Variants in BMPER observed in about 807,000 individuals in gnomAD.
BMPER encodes BMP-binding endothelial regulator protein.
A neutral mutation model predicts 87.3 loss-of-function variants in BMPER; 45 were observed. The observed-to-expected ratio is 0.52, with a 90% CI of 0.41 to 0.66. BMPER has a LOEUF of 0.66. Ranked by LOEUF, BMPER falls within the 30% of genes least tolerant of loss-of-function variation. BMPER has a pLI of 0.00. For synonymous variants in BMPER, 326 were observed against 316.2 expected, an observed-to-expected ratio of 1.03 and a Z score of -0.33; for missense variants, 784 against 867.5, an observed-to-expected ratio of 0.90 and a Z score of 1.21.
rs1784159051 is a variant in BMPER at position 33,919,226 on chromosome 7, A to T, written c.219+12323A>T. Among the ~76,000 whole-genome samples, 3 of 152,304 alleles carry T rather than the reference A, an allele frequency of 2.0e-5. No homozygotes were observed. The South Asian group carries it at 6.2e-4, about 32-fold the overall frequency. On this transcript the variant is annotated intron_variant, in intron 2 of 14. Transcript: ENST00000649409. ...TTATGAAATTTTTGATAGTTGTCTG[A>T]TGTTGACCTATAGGAGCAGCAGTTT...
chr7:34,035,222 C>G (rs924321345), intron 6 of BMPER, among the ~76,000 whole-genome samples: 1 of 152,170 alleles, frequency 6.6e-6, no homozygotes, highest in African/African-American at 2.4e-5. Flanking sequence ...TACTATAGAA[C>G]TTCATGACAT....
intron 13 of BMPER, among the ~76,000 whole-genome samples, chr7:34,138,131 A>T (rs1186146477): frequency 6.6e-6 from 1 of 152,236 alleles, no homozygotes; most frequent in Non-Finnish European, 1.5e-5. Flanking sequence ...AATTTTATTT[A>T]ATGGTAATTA....
chr7:34,005,814 T>G (rs1226075506), intron 6 of BMPER, among the ~76,000 whole-genome samples: 1 of 152,132 alleles, frequency 6.6e-6, no homozygotes, highest in Non-Finnish European at 1.5e-5. Flanking sequence ...TCCTTCAAAA[T>G]CACTTTATAT....
At chr7:33,924,728 C>T (rs559886230) in intron 2 of BMPER, among the ~76,000 whole-genome samples, 18 of 152,232 alleles carry the variant, frequency 1.2e-4, no homozygotes, top group African/African-American at 3.6e-4. Context: ...AGTGCAATGG[C>T]GCAATCTTGG....
chr7:34,089,555 C>T (rs1371185987), intron 13 of BMPER, among the ~76,000 whole-genome samples: 1 of 152,158 alleles, frequency 6.6e-6, no homozygotes, highest in East Asian at 1.9e-4. Flanking sequence ...GCAATCTCGG[C>T]TCACTGCAAC....
chr7:34,144,813 A>C (rs1412696255), intron 14 of BMPER, among the ~76,000 whole-genome samples: 1 of 152,226 alleles, frequency 6.6e-6, no homozygotes, highest in East Asian at 1.9e-4. Context: ...CCTGAAATAA[A>C]GAGACTGGGA....
intron 2 of BMPER, among the ~76,000 whole-genome samples, chr7:33,933,441 GT>G (rs3083764): frequency 0.038 from 4,942 of 128,386 alleles, 112 homozygotes; most frequent in East Asian, 0.12. Context: ...CATTGGTTAG[GT>G]TTTTTTTTTT....
At chr7:34,095,762 C>T (rs1789513447) in intron 13 of BMPER, among the ~76,000 whole-genome samples, 1 of 151,886 alleles carries the variant, frequency 6.6e-6, no homozygotes, top group African/African-American at 2.4e-5. Context: ...TAGTTAACCT[C>T]AAGCCTGGTT....
intron 14 of BMPER, among the ~76,000 whole-genome samples, chr7:34,147,309 A>T (rs575252391): frequency 4.6e-5 from 7 of 152,294 alleles, no homozygotes; most frequent in African/African-American, 1.7e-4. Context: ...CCATAGGGGG[A>T]TGTGGAGATG....
chr7:34,008,364 A>G (rs1562686234), intron 6 of BMPER, among the ~76,000 whole-genome samples: 1 of 151,918 alleles, frequency 6.6e-6, no homozygotes, highest in Non-Finnish European at 1.5e-5. Flanking sequence ...AGATATTTTA[A>G]TTTTAAGTTG....
At chr7:34,153,056 C>T (rs1170770092) in intron 14 of BMPER, 36 bp from the exon 15 acceptor site, 1 of 1,612,702 alleles carries the variant, frequency 6.2e-7, no homozygotes, top group Admixed American at 1.7e-5. Flanking sequence ...TGGGGCCTTT[C>T]TCCATGTTAT....
At chr7:33,942,191 A>T (rs1166323826) in intron 3 of BMPER, among the ~76,000 whole-genome samples, 2 of 152,076 alleles carry the variant, frequency 1.3e-5, no homozygotes, top group Non-Finnish European at 2.9e-5. Context: ...AATGTGTATA[A>T]ACGGTGTTTC....
intron 6 of BMPER, among the ~76,000 whole-genome samples, chr7:34,031,919 TATATATATACACACACACACACAC>T (rs1787529886): frequency 3.3e-5 from 4 of 119,626 alleles, no homozygotes; most frequent in Admixed American, 3.3e-4. Context: ...TATATATATA[TATATATATACACACACACACACAC>T]ATATATATAC....
At chr7:34,138,932 C>T (rs1405090918) in intron 13 of BMPER, among the ~76,000 whole-genome samples, 1 of 152,128 alleles carries the variant, frequency 6.6e-6, no homozygotes, top group African/African-American at 2.4e-5. Context: ...GCTACTTATT[C>T]TGTAAAATGA....
At chr7:34,045,633 T>G (rs970045551) in intron 6 of BMPER, among the ~76,000 whole-genome samples, 14 of 152,218 alleles carry the variant, frequency 9.2e-5, no homozygotes, top group Non-Finnish European at 1.5e-5. Flanking sequence ...AATTAATTAG[T>G]GAAAACAGAT....
chr7:34,141,180 C>A (rs1343440376), intron 13 of BMPER, among the ~76,000 whole-genome samples: 1 of 152,280 alleles, frequency 6.6e-6, no homozygotes, highest in South Asian at 2.1e-4. Flanking sequence ...ATTTTAAGGA[C>A]AAGCTTTATT....
At chr7:34,101,683 C>T (rs1789686124) in intron 13 of BMPER, among the ~76,000 whole-genome samples, 1 of 152,172 alleles carries the variant, frequency 6.6e-6, no homozygotes, top group Non-Finnish European at 1.5e-5. Flanking sequence ...CTCTCTGATT[C>T]CTGGGGTCTG....
At chr7:33,958,923 G>T (rs1035999418) in intron 3 of BMPER, among the ~76,000 whole-genome samples, 12 of 152,142 alleles carry the variant, frequency 7.9e-5, no homozygotes, top group African/African-American at 2.2e-4. Context: ...AATGGTGGGG[G>T]CAGTTTCCCT....
At chr7:34,103,680 C>A (rs1406168400) in intron 13 of BMPER, among the ~76,000 whole-genome samples, 1 of 152,164 alleles carries the variant, frequency 6.6e-6, no homozygotes, top group African/African-American at 2.4e-5. Context: ...AAAATAGCTT[C>A]TCTTTAAAGA....
Sources: gnomAD v4.1 joint callset for allele counts (sites outside exome capture counted in the v4.1 genomes callset) on GRCh38, gnomAD v4.1.1 for gene constraint, MANE v1.5 for transcripts, NCBI Gene and HGNC (gene_info 2026-07-23, HGNC 2026-07-21) for gene names.